The following MBP variants were observed in gnomAD, a reference collection of about 807,000 sequenced individuals.
MBP encodes the protein Golli-MBP.
In MBP, 16 loss-of-function variants were observed where a neutral mutation model predicts 35.8. The observed-to-expected ratio is 0.45, with a 90% CI of 0.30 to 0.68. MBP has a LOEUF of 0.68. Among genes scored for constraint, MBP ranks in the 30% least tolerant of loss-of-function variants. The pLI is 0.08. For missense variants in MBP, 380 were observed against 404.7 expected (o/e 0.94, Z 0.52); for synonymous variants, 143 against 159.6 (o/e 0.90, Z 0.78).
intron 3 of MBP, among the ~76,000 whole-genome samples, chr18:77,023,883 C>G (rs1446625365): frequency 6.6e-6 from 1 of 152,230 alleles, no homozygotes; most frequent in African/African-American, 2.4e-5. Context: ...AGTCAAGTGA[C>G]CTCCTCTCCG....
chr18:77,053,523 G>A (rs972551654), intron 3 of MBP, among the ~76,000 whole-genome samples: 2 of 151,858 alleles, frequency 1.3e-5, no homozygotes, highest in East Asian at 1.9e-4. Flanking sequence ...CACCCCACAT[G>A]CTATGTGCAC....
At chr18:76,990,813 G>A in intron 4 of MBP, 1 of 229,034 alleles carries the variant, frequency 4.4e-6, no homozygotes. Context: ...CCACAGATGA[G>A]CCACCAGACA....
rs550735286 is a variant in MBP at position 76,996,601 on chromosome 18, G to C, written c.577-6541C>G. Reference sequence around the variant, plus strand: ...AGAGGCCTCTCCAAGGAATCTTGCTGAGTAAAAGCCGCCATTCTAAAAGGT... The same window carrying C: ...AGAGGCCTCTCCAAGGAATCTTGCTCAGTAAAAGCCGCCATTCTAAAAGGT... On this transcript the variant is annotated intron_variant, in intron 4 of 8. Transcript: ENST00000355994. Among the ~76,000 whole-genome samples, 63 of 152,268 alleles carry C rather than the reference G, an allele frequency of 4.1e-4. 1 individual carries two copies. Among genetic ancestry groups the C allele is most frequent in the Middle Eastern group, 3.4e-3 (1 of 294 alleles).
At chr18:76,999,069 TATC>T (rs1970489710) in intron 4 of MBP, among the ~76,000 whole-genome samples, 1 of 151,960 alleles carries the variant, frequency 6.6e-6, no homozygotes, top group Non-Finnish European at 1.5e-5. Flanking sequence ...AGTGGGCACT[TATC>T]ATTCTGTCAC....
In MBP at chr18:77,016,419, G is replaced by A. The variant is rs1971642370; in HGVS notation, c.576+413C>T. 6.9e-6 allele frequency: 7 copies of A among 1,015,072 alleles called. No homozygotes were observed. The South Asian group carries it at 3.0e-4, about 43-fold the overall frequency. The allele number at this position is 1,015,072 out of a possible 1,614,324, so 62.9% of individuals were successfully genotyped here. A position where few individuals can be genotyped will look rare whatever the true frequency, so the allele number is the denominator to read the frequency against. ...ATGAAGCTAGCAGCACTGACTCCAG[G>A]AAAAAACGAGCATAACCCAGTGTTG... On this transcript the variant is annotated intron_variant, in intron 4 of 8. Coordinates refer to ENST00000355994, the MANE Select transcript of MBP (RefSeq NM_001025101.2).
intron 4 of MBP, among the ~76,000 whole-genome samples, chr18:77,007,026 T>A (rs1463599258): frequency 3.3e-5 from 5 of 152,086 alleles, no homozygotes; most frequent in African/African-American, 9.7e-5. Context: ...GGGCAGGGAG[T>A]TCTTGGTTCC....
At chr18:77,013,210 C>T (rs2282557) in intron 4 of MBP, 81,286 of 985,306 alleles carry the variant, frequency 0.082, 3,803 homozygotes, top group East Asian at 0.29. Flanking sequence ...GAATCTGTGG[C>T]CAAATCTCTT....
chr18:76,990,470 T>C (rs749854644), intron 4 of MBP, among the ~76,000 whole-genome samples: 2 of 152,100 alleles, frequency 1.3e-5, no homozygotes, highest in Non-Finnish European at 2.9e-5. Flanking sequence ...CCTATATCAC[T>C]CAGGGGATGG....
intron 1 of MBP, among the ~76,000 whole-genome samples, chr18:77,129,394 C>T (rs57038555): frequency 0.21 from 31,948 of 152,116 alleles, 3,396 homozygotes; most frequent in Middle Eastern, 0.27. Flanking sequence ...TTCAGTCGGC[C>T]GGGGAGATCA....
chr18:76,990,125 G>T, intron 4 of MBP, 65 bp from the exon 5 acceptor site: 1 of 1,050,116 alleles, frequency 9.5e-7, no homozygotes, highest in African/African-American at 1.6e-5. Context: ...TCCTCCTCAG[G>T]GAAGCTGGAT....
intron 3 of MBP, among the ~76,000 whole-genome samples, chr18:77,049,960 G>C (rs1044735909): frequency 6.6e-6 from 1 of 152,172 alleles, no homozygotes; most frequent in African/African-American, 2.4e-5. Context: ...GATTACAGGC[G>C]TGAGCCACTG....
rs570191147 is a variant in MBP, at chr18:77,049,297, A to G, written c.139+17001T>C. ...GTTTCTGGGGCATAAAAACTGTTCA[A>G]TAAGTATTTGTAGAATAAGTTTTAT... On this transcript the variant is annotated intron_variant, in intron 3 of 8. Coordinates refer to ENST00000355994, the MANE Select transcript of MBP (RefSeq NM_001025101.2). 3.3e-5 allele frequency among the ~76,000 whole-genome samples: 5 copies of G among 152,346 alleles called. No homozygotes were observed. In the South Asian group the frequency reaches 6.2e-4, roughly 19 times the overall value.
chr18:77,071,144 C>T (rs1377253098), intron 2 of MBP, among the ~76,000 whole-genome samples: 1 of 152,172 alleles, frequency 6.6e-6, no homozygotes, highest in Non-Finnish European at 1.5e-5. Context: ...GAGGAAAACA[C>T]TTGCTTCGTA....
intron 3 of MBP, among the ~76,000 whole-genome samples, chr18:77,018,906 ATCCATCCAC>A (rs1193504775): frequency 6.1e-5 from 9 of 147,970 alleles, no homozygotes; most frequent in African/African-American, 2.3e-4. Flanking sequence ...CCATCCATCC[ATCCATCCAC>A]TCATGTATTC....
intron 3 of MBP, among the ~76,000 whole-genome samples, chr18:77,049,790 C>T (rs753335051): frequency 2.6e-5 from 4 of 152,062 alleles, no homozygotes; most frequent in Non-Finnish European, 5.9e-5. Context: ...AGCAATTCTC[C>T]TGCCTCAGCT....
At chr18:77,019,696 G>A (rs373353226) in intron 3 of MBP, among the ~76,000 whole-genome samples, 31 of 152,370 alleles carry the variant, frequency 2.0e-4, no homozygotes, top group African/African-American at 6.7e-4. Flanking sequence ...CAGGAAAGCA[G>A]AGAGGGCTTG....
At chr18:77,028,849 G>GT (rs1972385164) in intron 3 of MBP, among the ~76,000 whole-genome samples, 5 of 92,346 alleles carry the variant, frequency 5.4e-5, no homozygotes, top group Non-Finnish European at 9.6e-5. Flanking sequence ...TCACTTCCCA[G>GT]ATGTGATGGC....
intron 2 of MBP, among the ~76,000 whole-genome samples, chr18:77,104,942 TCCTTC>T (rs920682875): frequency 2.0e-5 from 3 of 152,152 alleles, no homozygotes; most frequent in African/African-American, 7.2e-5. Flanking sequence ...TCTTCCTAAC[TCCTTC>T]CCTTCCTTCA....
Position 76,990,233 on chromosome 18 carries a change from G to C in MBP, c.577-173C>G, listed in dbSNP as rs376977954. On this transcript the variant is annotated intron_variant, in intron 4 of 8. Coordinates refer to ENST00000355994, the MANE Select transcript of MBP (RefSeq NM_001025101.2). ...AGATGGTATCTAGACTATCACAATG[G>C]GGAGAGAGATGGGCTTCAACTCCAC... 1.5e-4 allele frequency among the ~76,000 whole-genome samples: 23 copies of C among 152,114 alleles called. No homozygotes were observed. The South Asian group carries it at 4.4e-3, about 29-fold the overall frequency.
Sources: gnomAD v4.1 joint callset for allele counts (sites outside exome capture counted in the v4.1 genomes callset) on GRCh38, gnomAD v4.1.1 for gene constraint, MANE v1.5 for transcripts, NCBI Gene and HGNC (gene_info 2026-07-23, HGNC 2026-07-21) for gene names.